The following DLGAP2 variants were observed in gnomAD, a reference collection of about 807,000 sequenced individuals.
DLGAP2 encodes the protein DLG associated protein 2, also known as disks large-associated protein 2.
DLGAP2 carries 26 observed loss-of-function variants against 100.3 expected under a neutral mutation model. That is an observed-to-expected ratio of 0.26 (90% CI 0.19 to 0.36). DLGAP2 has a LOEUF of 0.36. Ranked by LOEUF, DLGAP2 falls within the 10% of genes least tolerant of loss-of-function variation. The probability of loss-of-function intolerance (pLI) is 1.00; values close to 1 mark genes in which losing one functional copy is unlikely to be tolerated. For synonymous variants in DLGAP2, 886 were observed against 630.1 expected, an observed-to-expected ratio of 1.41 and a Z score of -6.08; for missense variants, 1,858 against 1,453.2, an observed-to-expected ratio of 1.28 and a Z score of -4.53.
chr8:1,139,808 G>C (rs148609867), intron 2 of DLGAP2, among the ~76,000 whole-genome samples: 4 of 152,062 alleles, frequency 2.6e-5, no homozygotes, highest in African/African-American at 9.7e-5. Context: ...TCTCAGCACC[G>C]TAAGTGTATT....
intron 1 of DLGAP2, among the ~76,000 whole-genome samples, chr8:808,219 T>A (rs1056557047): frequency 6.6e-6 from 1 of 152,198 alleles, no homozygotes; most frequent in African/African-American, 2.4e-5. Context: ...ACATTTGACC[T>A]CTGCCTCAGT....
chr8:1,198,972 T>C (rs1797811932), intron 2 of DLGAP2, among the ~76,000 whole-genome samples: 1 of 152,228 alleles, frequency 6.6e-6, no homozygotes, highest in Admixed American at 6.5e-5. Context: ...ATACCAGTTG[T>C]GGATGAATCC....
intron 2 of DLGAP2, among the ~76,000 whole-genome samples, chr8:939,929 G>C (rs1224626367): frequency 2.9e-4 from 44 of 151,962 alleles, no homozygotes; most frequent in Admixed American, 2.9e-3. Flanking sequence ...GATGGCTGAG[G>C]CCTTCCCAGG....
chr8:1,272,543 A>G (rs1024441350), intron 3 of DLGAP2, among the ~76,000 whole-genome samples: 5 of 152,202 alleles, frequency 3.3e-5, no homozygotes, highest in Non-Finnish European at 7.3e-5. Context: ...AAATATATCT[A>G]TATATCATAC....
Position 1,417,651 on chromosome 8 carries a change from C to T in DLGAP2, c.107-83715C>T, listed in dbSNP as rs112496110. Among the ~76,000 whole-genome samples, 791 of 62,610 alleles carry T rather than the reference C, an allele frequency of 0.013. 43 individuals are homozygous for T. The East Asian group carries it at 0.15, about 12-fold the overall frequency. 41.1% of individuals were successfully genotyped at this position (62,610 alleles called of 152,430 possible). A position where few individuals can be genotyped will look rare whatever the true frequency, so the allele number is the denominator to read the frequency against. ...CGCCTCCAGGGGGGCACGGGGAGCC[C>T]CACTCCTGCCTCACTCCGCGAGGCT... On this transcript the variant is annotated intron_variant, in intron 3 of 14. Coordinates refer to ENST00000637795, the MANE Select transcript of DLGAP2 (RefSeq NM_001346810.2).
At chr8:1,548,186 G>C (rs1372293155) in intron 4 of DLGAP2, among the ~76,000 whole-genome samples, 1 of 152,082 alleles carries the variant, frequency 6.6e-6, no homozygotes, top group Non-Finnish European at 1.5e-5. Context: ...CTGGCCGGGT[G>C]TCCTGGCTCA....
intron 2 of DLGAP2, among the ~76,000 whole-genome samples, chr8:1,221,271 A>G (rs1361656590): frequency 6.6e-6 from 1 of 151,994 alleles, no homozygotes; most frequent in Non-Finnish European, 1.5e-5. Flanking sequence ...TCCCTTTAGG[A>G]CCTCTTCGAA....
chr8:896,538 C>G (rs1021555052), intron 1 of DLGAP2, among the ~76,000 whole-genome samples: 2 of 152,136 alleles, frequency 1.3e-5, no homozygotes, highest in African/African-American at 4.8e-5. Context: ...TATGTTGAAG[C>G]CTTGGTCCCC....
intron 14 of DLGAP2, among the ~76,000 whole-genome samples, chr8:1,699,224 G>A (rs776404807): frequency 3.3e-5 from 5 of 152,188 alleles, no homozygotes; most frequent in African/African-American, 4.8e-5. Context: ...AAATGGAAAC[G>A]TCTTTGGGAG....
intron 1 of DLGAP2, among the ~76,000 whole-genome samples, chr8:828,501 C>T (rs1415064239): frequency 2.6e-5 from 4 of 152,222 alleles, no homozygotes; most frequent in Non-Finnish European, 5.9e-5. Context: ...CTCTTATTCC[C>T]TGAACAATTG....
intron 7 of DLGAP2, among the ~76,000 whole-genome samples, chr8:1,630,424 C>CAT (rs1370794158): frequency 6.6e-6 from 1 of 152,108 alleles, no homozygotes; most frequent in African/African-American, 2.4e-5. Flanking sequence ...TGCCCTTGGC[C>CAT]AGTCGCGGTG....
intron 2 of DLGAP2, among the ~76,000 whole-genome samples, chr8:1,173,091 C>G: frequency 6.6e-6 from 1 of 152,138 alleles, no homozygotes; most frequent in East Asian, 1.9e-4. Context: ...GTTAGTTTTC[C>G]TTCTAAGAGA....
intron 2 of DLGAP2, among the ~76,000 whole-genome samples, chr8:952,765 GTTA>G (rs1227883983): frequency 6.6e-6 from 1 of 152,180 alleles, no homozygotes; most frequent in Non-Finnish European, 1.5e-5. Context: ...ATTATTTTAT[GTTA>G]TTTTTTCAGA....
At chr8:1,159,035 C>A (rs980488756) in intron 2 of DLGAP2, among the ~76,000 whole-genome samples, 8 of 152,164 alleles carry the variant, frequency 5.3e-5, no homozygotes, top group Non-Finnish European at 1.2e-4. Flanking sequence ...TTCTTGTTAA[C>A]CTCGATGTCA....
At chr8:1,460,441 T>G (rs1013180380) in intron 3 of DLGAP2, among the ~76,000 whole-genome samples, 10 of 152,172 alleles carry the variant, frequency 6.6e-5, no homozygotes, top group Non-Finnish European at 1.0e-4. Context: ...CACAACCCCT[T>G]GAAGATTAAC....
intron 6 of DLGAP2, among the ~76,000 whole-genome samples, chr8:1,609,947 T>C (rs1192956507): frequency 6.0e-5 from 9 of 151,106 alleles, no homozygotes; most frequent in African/African-American, 2.2e-4. Context: ...TGGGAGACTT[T>C]AACACCCCAC....
At chr8:864,406 G>T (rs1797451773) in intron 1 of DLGAP2, among the ~76,000 whole-genome samples, 1 of 152,192 alleles carries the variant, frequency 6.6e-6, no homozygotes, top group African/African-American at 2.4e-5. Flanking sequence ...TTTGTCCATT[G>T]CACAAAGTCT....
chr8:846,356 C>G (rs934462275), intron 1 of DLGAP2, among the ~76,000 whole-genome samples: 5 of 152,172 alleles, frequency 3.3e-5, no homozygotes, highest in African/African-American at 1.2e-4. Context: ...GATTGGCTTT[C>G]TGAGATTCTG....
intron 2 of DLGAP2, among the ~76,000 whole-genome samples, chr8:1,129,050 A>G (rs778675625): frequency 2.6e-5 from 4 of 152,184 alleles, no homozygotes; most frequent in Admixed American, 6.5e-5. Context: ...CAAACTCACA[A>G]TTCCACTTCA....
Sources: gnomAD v4.1 joint callset for allele counts (sites outside exome capture counted in the v4.1 genomes callset) on GRCh38, gnomAD v4.1.1 for gene constraint, MANE v1.5 for transcripts, NCBI Gene and HGNC (gene_info 2026-07-23, HGNC 2026-07-21) for gene names.